The following CAMK1D variants were observed in gnomAD, a reference collection of about 807,000 sequenced individuals.
The protein encoded by CAMK1D is calcium/calmodulin-dependent protein kinase type 1D.
In CAMK1D, 9 loss-of-function variants were observed where a neutral mutation model predicts 47.7. That is an observed-to-expected ratio of 0.19 (90% CI 0.11 to 0.33). CAMK1D has a LOEUF of 0.33. Among genes scored for constraint, CAMK1D ranks in the 10% least tolerant of loss-of-function variants. CAMK1D has a pLI of 1.00. For missense variants in CAMK1D, 291 were observed against 488.7 expected (o/e 0.60, Z 3.81); for synonymous variants, 184 against 184.9 (o/e 0.99, Z 0.04).
intron 2 of CAMK1D, among the ~76,000 whole-genome samples, chr10:12,623,553 A>G (rs911954373): frequency 8.7e-6 from 1 of 114,886 alleles, no homozygotes; most frequent in African/African-American, 3.3e-5. Flanking sequence ...CTTTTTCCAC[A>G]TTTATCGGAC....
chr10:12,573,729 C>T (rs2132321066), intron 2 of CAMK1D, among the ~76,000 whole-genome samples: 1 of 151,440 alleles, frequency 6.6e-6, no homozygotes, highest in East Asian at 1.9e-4. Flanking sequence ...TCTGGACTCA[C>T]TGCAGCCTTG....
At chr10:12,771,503 C>T (rs1398172738) in intron 5 of CAMK1D, among the ~76,000 whole-genome samples, 1 of 152,202 alleles carries the variant, frequency 6.6e-6, no homozygotes, top group East Asian at 1.9e-4. Context: ...GCTCAAGTGT[C>T]ATAGCTGTTC....
At chr10:12,406,040 C>T (rs959006477) in intron 1 of CAMK1D, among the ~76,000 whole-genome samples, 1 of 152,012 alleles carries the variant, frequency 6.6e-6, no homozygotes, top group Admixed American at 6.6e-5. Context: ...CATTTCTTGT[C>T]GCGTGTAGGA....
intron 1 of CAMK1D, among the ~76,000 whole-genome samples, chr10:12,492,347 C>CAA (rs71384332): frequency 8.2e-5 from 9 of 110,410 alleles, no homozygotes; most frequent in Admixed American, 1.9e-4. Context: ...CACCTCATCT[C>CAA]AAAAAAAAAA....
intron 1 of CAMK1D, among the ~76,000 whole-genome samples, chr10:12,370,129 A>G (rs1164972393): frequency 6.6e-6 from 1 of 152,132 alleles, no homozygotes; most frequent in Non-Finnish European, 1.5e-5. Flanking sequence ...TGGACTGCAT[A>G]TACGACAGTG....
At chr10:12,615,358 C>G (rs1838749944) in intron 2 of CAMK1D, among the ~76,000 whole-genome samples, 1 of 152,186 alleles carries the variant, frequency 6.6e-6, no homozygotes, top group South Asian at 2.1e-4. Context: ...TTAATTTACT[C>G]AAGTATAGGT....
chr10:12,526,840 C>T (rs1050003444), intron 1 of CAMK1D, among the ~76,000 whole-genome samples: 1 of 147,966 alleles, frequency 6.8e-6, no homozygotes, highest in African/African-American at 2.5e-5. Context: ...ATCAATTGAG[C>T]CTGGGAGGTT....
In CAMK1D at chr10:12,429,598, C is replaced by T. The variant is rs578187070; in HGVS notation, c.92+79688C>T. The stretch of plus-strand genomic sequence containing the variant: ...CAGGTGATCCACTCACCTCAGCCTC[C>T]CAAAGTGCTGGGATTACAGGCGTGA... On this transcript the variant is annotated intron_variant, in intron 1 of 10. Coordinates refer to ENST00000619168, the MANE Select transcript of CAMK1D (RefSeq NM_153498.4). 2.0e-5 allele frequency among the ~76,000 whole-genome samples: 3 copies of T among 152,282 alleles called. No homozygotes were observed. The South Asian group carries it at 6.2e-4, about 32-fold the overall frequency.
intron 2 of CAMK1D, among the ~76,000 whole-genome samples, chr10:12,645,108 G>A (rs1839777371): frequency 1.3e-5 from 2 of 151,376 alleles, no homozygotes. Flanking sequence ...TGCCTTCTTT[G>A]TTCTTTTCAC....
rs562986327 is a variant in CAMK1D, at chr10:12,535,609, G to C, written c.93-17616G>C. Among the ~76,000 whole-genome samples, 65 of 152,208 alleles carry C rather than the reference G, an allele frequency of 4.3e-4. 1 individual carries two copies. The highest frequency in any genetic ancestry group is 1.4e-3 in the African/African-American group (57 of 41,528). ...CTTTAGTTAGGTTCTAACAGTGTTG[G>C]TCCTGTACTCTGCAAACATGGACAG... On this transcript the variant is annotated intron_variant, in intron 1 of 10. Transcript: ENST00000619168.
chr10:12,741,447 G>A (rs1376030666), intron 3 of CAMK1D, among the ~76,000 whole-genome samples: 33 of 152,188 alleles, frequency 2.2e-4, no homozygotes, highest in Non-Finnish European at 2.9e-5. Context: ...GGACAGCGAG[G>A]GCCGCCCTCT....
chr10:12,734,340 AAAAAAATATATATATAT>A (rs1219354972), intron 3 of CAMK1D, among the ~76,000 whole-genome samples: 6 of 27,802 alleles, frequency 2.2e-4, no homozygotes, highest in Admixed American at 6.9e-4. Flanking sequence ...AAAAAAAAAA[AAAAAAATATATATATAT>A]ATATATATAT....
intron 2 of CAMK1D, among the ~76,000 whole-genome samples, chr10:12,591,279 G>T (rs1425558428): frequency 2.0e-5 from 3 of 152,096 alleles, no homozygotes; most frequent in Non-Finnish European, 1.5e-5. Flanking sequence ...CAATTGGCCC[G>T]GCATGCCCAG....
chr10:12,830,696 A>G lies in CAMK1D; in HGVS notation c.*1809A>G, dbSNP rs1304267884. 2 of 152,192 alleles carry G rather than the reference A, an allele frequency of 1.3e-5. No homozygotes were observed. The highest frequency in any genetic ancestry group is 2.9e-5 in the Non-Finnish European group (2 of 68,048). The allele number at this position is 152,192 out of a possible 1,614,324, so 9.4% of individuals were successfully genotyped here. A position where few individuals can be genotyped will look rare whatever the true frequency, so the allele number is the denominator to read the frequency against. On this transcript the variant is annotated 3_prime_UTR_variant, in exon 11 of 11. Coordinates refer to ENST00000619168, the MANE Select transcript of CAMK1D (RefSeq NM_153498.4). The stretch of plus-strand genomic sequence containing the variant: ...AGGTGGCTTCAAGTGCCATTCCTGC[A>G]AGTGCCCCTGCTTCAGCTCTCAGGC...
intron 3 of CAMK1D, among the ~76,000 whole-genome samples, chr10:12,753,500 T>C (rs938636815): frequency 6.6e-6 from 1 of 152,236 alleles, no homozygotes; most frequent in African/African-American, 2.4e-5. Context: ...TATAGAGAGA[T>C]ATCTAATTAA....
At chr10:12,495,777 A>G (rs1834520170) in intron 1 of CAMK1D, among the ~76,000 whole-genome samples, 1 of 152,158 alleles carries the variant, frequency 6.6e-6, no homozygotes, top group Non-Finnish European at 1.5e-5. Context: ...GGAAATACAT[A>G]TTCACCTACT....
chr10:12,626,865 G>T (rs1308256138), intron 2 of CAMK1D, among the ~76,000 whole-genome samples: 1 of 152,016 alleles, frequency 6.6e-6, no homozygotes, highest in East Asian at 1.9e-4. Context: ...ACTAACTAGA[G>T]GATTTAGCTC....
At chr10:12,408,848 C>CTTTTTTTTTTTTTT (rs113921067) in intron 1 of CAMK1D, among the ~76,000 whole-genome samples, 4 of 121,850 alleles carry the variant, frequency 3.3e-5, no homozygotes, top group Non-Finnish European at 5.0e-5. Context: ...TTCTTTCTTT[C>CTTTTTTTTTTTTTT]TTTTTTTTTT....
intron 1 of CAMK1D, among the ~76,000 whole-genome samples, chr10:12,539,301 G>A (rs1286530374): frequency 3.3e-5 from 5 of 152,130 alleles, no homozygotes; most frequent in Admixed American, 6.5e-5. Context: ...GTATTGATGT[G>A]TGTTTAGTTA....
Sources: gnomAD v4.1 joint callset for allele counts (sites outside exome capture counted in the v4.1 genomes callset) on GRCh38, gnomAD v4.1.1 for gene constraint, MANE v1.5 for transcripts, NCBI Gene and HGNC (gene_info 2026-07-23, HGNC 2026-07-21) for gene names.